The following ARMC8 variants were observed in gnomAD, a reference collection of about 807,000 sequenced individuals.
ARMC8 encodes the protein armadillo repeat-containing protein 8.
ARMC8 carries 20 observed loss-of-function variants against 99.3 expected under a neutral mutation model. That is an observed-to-expected ratio of 0.20 (90% CI 0.14 to 0.29). The LOEUF (loss-of-function observed/expected upper bound fraction) is 0.29. ARMC8 is among the 10% of genes least tolerant of loss of function. The probability of loss-of-function intolerance (pLI) is 1.00; values close to 1 mark genes in which losing one functional copy is unlikely to be tolerated. For synonymous variants in ARMC8, 263 were observed against 278.3 expected, an observed-to-expected ratio of 0.95 and a Z score of 0.55; for missense variants, 569 against 809.5, an observed-to-expected ratio of 0.70 and a Z score of 3.60.
intron 15 of ARMC8, among the ~76,000 whole-genome samples, chr3:138,267,805 T>A (rs1304787276): frequency 6.6e-6 from 1 of 152,208 alleles, no homozygotes; most frequent in Admixed American, 6.5e-5. Flanking sequence ...TACAGTTAGT[T>A]TTATTATGTC....
At chr3:138,268,893 A>G (rs1407300372) in intron 15 of ARMC8, among the ~76,000 whole-genome samples, 3 of 152,240 alleles carry the variant, frequency 2.0e-5, no homozygotes, top group Non-Finnish European at 2.9e-5. Flanking sequence ...AGATTTGATT[A>G]AAGTATTATT....
chr3:138,260,106 C>G (rs547943713), intron 12 of ARMC8, among the ~76,000 whole-genome samples: 5 of 152,308 alleles, frequency 3.3e-5, no homozygotes, highest in African/African-American at 9.6e-5. Flanking sequence ...ATGCCTGTCA[C>G]TCTCTGGGCA....
intron 2 of ARMC8, among the ~76,000 whole-genome samples, chr3:138,218,584 T>C (rs1280743169): frequency 6.6e-6 from 1 of 152,230 alleles, no homozygotes; most frequent in Admixed American, 6.5e-5. Flanking sequence ...TTCTTAACCA[T>C]TGCCTCAAAA....
At chr3:138,291,237 T>A (rs756969578) in intron 21 of ARMC8, among the ~76,000 whole-genome samples, 9 of 152,206 alleles carry the variant, frequency 5.9e-5, no homozygotes, top group Non-Finnish European at 1.0e-4. Context: ...TACTTTTGAG[T>A]CTCTAGACTC....
chr3:138,237,679 T>G, intron 9 of ARMC8, 107 bp downstream of exon 9: 1 of 903,446 alleles, frequency 1.1e-6, no homozygotes, highest in Non-Finnish European at 1.7e-6. Context: ...TATTTTGAGA[T>G]TTTGAAATTT....
chr3:138,268,822 G>C (rs2048519499), intron 15 of ARMC8, among the ~76,000 whole-genome samples: 1 of 152,096 alleles, frequency 6.6e-6, no homozygotes. Context: ...CAAAGTGGGG[G>C]AGGGAAATGC....
At chr3:138,294,568 A>T (rs1043084762) in intron 21 of ARMC8, among the ~76,000 whole-genome samples, 2 of 152,222 alleles carry the variant, frequency 1.3e-5, no homozygotes, top group Admixed American at 6.5e-5. Context: ...TATACCACTT[A>T]AAAAACTGTT....
intron 18 of ARMC8, among the ~76,000 whole-genome samples, chr3:138,282,368 C>T (rs1238680856): frequency 6.6e-6 from 1 of 152,154 alleles, no homozygotes; most frequent in East Asian, 1.9e-4. Flanking sequence ...TACTTGTAGG[C>T]TGGGCACGGT....
intron 21 of ARMC8, among the ~76,000 whole-genome samples, chr3:138,292,141 G>A (rs1353480308): frequency 6.6e-6 from 1 of 152,158 alleles, no homozygotes; most frequent in Admixed American, 6.5e-5. Context: ...GAGTTCAAGT[G>A]ATTCTCCTGC....
At chr3:138,208,096 TTTTTTGTTG>T (rs1199099496) in intron 1 of ARMC8, among the ~76,000 whole-genome samples, 1 of 149,792 alleles carries the variant, frequency 6.7e-6, no homozygotes, top group African/African-American at 2.5e-5. Context: ...CTGTTTTTTT[TTTTTTGTTG>T]TTGTTGTTGT....
chr3:138,266,309 G>A (rs2048281454), intron 14 of ARMC8, among the ~76,000 whole-genome samples: 1 of 152,090 alleles, frequency 6.6e-6, no homozygotes, highest in Non-Finnish European at 1.5e-5. Context: ...TACAGTATCA[G>A]TGCCTTTCTA....
chr3:138,223,668 G>T lies in ARMC8; in HGVS notation c.370G>T (p.Ala124Ser), dbSNP rs2045525864. The change falls in exon 5 of 22, where the codon GCT (alanine) becomes TCT (serine). Residue 124 changes from alanine to serine, a missense_variant. Physicochemically the swap from Ala to Ser is moderately conservative, Grantham distance 99. Coordinates refer to ENST00000469044, the MANE Select transcript of ARMC8 (RefSeq NM_001363941.2). ...GTCCCCAGACCTGAAGTTTATTGAAGCTTGCCTCCGATGCCTGCGTACCAT... is the reference window on the plus strand; with the variant it reads ...GTCCCCAGACCTGAAGTTTATTGAATCTTGCCTCCGATGCCTGCGTACCAT... ...LLSPDLKFIE[A>S]CLRCLRTIFT... The T allele has an allele frequency of 1.2e-6, 2 of 1,614,198 alleles. No homozygotes were observed. Among genetic ancestry groups the T allele is most frequent in the East Asian group, 4.5e-5 (2 of 44,892 alleles).
chr3:138,229,632 G>A (rs1362899402), intron 6 of ARMC8, among the ~76,000 whole-genome samples: 1 of 152,096 alleles, frequency 6.6e-6, no homozygotes, highest in African/African-American at 2.4e-5. Context: ...ACTGGTTTAA[G>A]TGATCTCATA....
At position 138,201,436 on chromosome 3, in the gene ARMC8, CTTTTTTTTTTTTTTTTTTTT is replaced by C. The variant is rs58707271; in HGVS notation, c.46-8359_46-8340del. On this transcript the variant is annotated intron_variant, in intron 1 of 21. Coordinates refer to ENST00000469044, the MANE Select transcript of ARMC8 (RefSeq NM_001363941.2). Reference sequence around the variant, plus strand: ...TAGAGTCCTTGTCTTCTTCCCCTCCCTTTTTTTTTTTTTTTTTTTTTTTTTTTTTTTTTTTTTTTTTCCTG... The same window carrying C: ...TAGAGTCCTTGTCTTCTTCCCCTCCCTTTTTTTTTTTTTTTTTTTTTCCTG... 1.6e-3 allele frequency among the ~76,000 whole-genome samples: 104 copies of C among 64,988 alleles called. 1 individual carries two copies. Among genetic ancestry groups the C allele is most frequent in the Non-Finnish European group, 1.9e-3 (57 of 29,390 alleles). The allele number at this position is 64,988 out of a possible 152,430, so 42.6% of individuals were successfully genotyped here.
intron 1 of ARMC8, among the ~76,000 whole-genome samples, chr3:138,203,963 T>C (rs2044221195): frequency 6.6e-6 from 1 of 152,250 alleles, no homozygotes. Flanking sequence ...AAGCCCCTTA[T>C]TGCTCTCTGG....
intron 14 of ARMC8, among the ~76,000 whole-genome samples, chr3:138,265,993 G>A (rs1206410521): frequency 6.6e-6 from 1 of 152,122 alleles, no homozygotes; most frequent in Admixed American, 6.5e-5. Flanking sequence ...GCTGTCAGGG[G>A]GACACCAAGA....
At chr3:138,214,688 G>A (rs1576635429) in intron 2 of ARMC8, among the ~76,000 whole-genome samples, 1 of 152,102 alleles carries the variant, frequency 6.6e-6, no homozygotes, top group East Asian at 1.9e-4. Flanking sequence ...ATGGAGTCTC[G>A]CTCTGTCACC....
intron 19 of ARMC8, among the ~76,000 whole-genome samples, chr3:138,287,024 C>T (rs149898719): frequency 1.3e-5 from 2 of 152,220 alleles, no homozygotes; most frequent in Non-Finnish European, 2.9e-5. Context: ...TTCATCACCA[C>T]TGCCCCCACC....
chr3:138,265,552 G>T (rs757913818), intron 14 of ARMC8, among the ~76,000 whole-genome samples: 61 of 152,162 alleles, frequency 4.0e-4, no homozygotes, highest in Non-Finnish European at 6.9e-4. Flanking sequence ...TAGGAGGCGG[G>T]GGCATCAATG....
Sources: gnomAD v4.1 joint callset for allele counts (sites outside exome capture counted in the v4.1 genomes callset) on GRCh38, gnomAD v4.1.1 for gene constraint, MANE v1.5 for transcripts, NCBI Gene and HGNC (gene_info 2026-07-23, HGNC 2026-07-21) for gene names.